Variants in TSG101 observed in about 807,000 individuals in gnomAD.
TSG101 encodes the protein tumor susceptibility gene 101 protein.
In TSG101, 19 loss-of-function variants were observed where a neutral mutation model predicts 48.5. The observed-to-expected ratio is 0.39, with a 90% CI of 0.27 to 0.58. The LOEUF is 0.58. Among genes scored for constraint, TSG101 ranks in the 20% least tolerant of loss-of-function variants. The pLI is 0.55. For synonymous variants in TSG101, 174 were observed against 169.4 expected (o/e 1.03, Z -0.21); for missense variants, 365 against 484.4 (o/e 0.75, Z 2.31).
chr11:18,523,511 ATTTG>A (rs1230115230), intron 1 of TSG101, among the ~76,000 whole-genome samples: 5 of 151,814 alleles, frequency 3.3e-5, no homozygotes, highest in Non-Finnish European at 7.4e-5. Context: ...TTATTTATTT[ATTTG>A]TTTTTGAGAT....
chr11:18,486,419 A>G (rs1209195873), intron 7 of TSG101, among the ~76,000 whole-genome samples: 3 of 152,206 alleles, frequency 2.0e-5, no homozygotes, highest in Admixed American at 1.3e-4. Flanking sequence ...CTTCATTCAA[A>G]CAATTCTGCC....
intron 1 of TSG101, 26 bp from the exon 2 acceptor site, chr11:18,519,629 T>G (rs1450921070): frequency 6.4e-7 from 1 of 1,553,628 alleles, no homozygotes; most frequent in Admixed American, 1.8e-5. Context: ...GCATAAGAAT[T>G]TAGTTTAAAA....
chr11:18,516,489 C>T (rs562838141), intron 2 of TSG101, among the ~76,000 whole-genome samples: 8 of 151,926 alleles, frequency 5.3e-5, no homozygotes, highest in African/African-American at 1.9e-4. Flanking sequence ...GGATTACAGG[C>T]ACGTGCCACC....
chr11:18,493,822 A>G (rs1849732276), intron 7 of TSG101, among the ~76,000 whole-genome samples: 1 of 152,240 alleles, frequency 6.6e-6, no homozygotes, highest in Non-Finnish European at 1.5e-5. Context: ...AACACTGCAA[A>G]TCCATTACAT....
At chr11:18,513,571 A>T (rs967697451) in intron 4 of TSG101, among the ~76,000 whole-genome samples, 1 of 152,138 alleles carries the variant, frequency 6.6e-6, no homozygotes, top group South Asian at 2.1e-4. Context: ...AAGTCCTGGG[A>T]TCACAGCCAT....
At chr11:18,494,807 T>C (rs1054966338) in intron 7 of TSG101, among the ~76,000 whole-genome samples, 1 of 152,054 alleles carries the variant, frequency 6.6e-6, no homozygotes, top group Non-Finnish European at 1.5e-5. Context: ...GTACAGTTTC[T>C]GTAGGCCAAA....
rs1475968353 is a variant in TSG101 at position 18,515,363 on chromosome 11, A to G, written c.194-522T>C. Reference sequence around the variant, plus strand: ...GAATAGCAGGTACTATGTGAAATCAATGGGTAAAGGACATAGGTCTTAGCT... The same window carrying G: ...GAATAGCAGGTACTATGTGAAATCAGTGGGTAAAGGACATAGGTCTTAGCT... On this transcript the variant is annotated intron_variant, in intron 3 of 9. Transcript: ENST00000251968. 3.3e-5 allele frequency among the ~76,000 whole-genome samples: 5 copies of G among 152,180 alleles called. 1 individual carries two copies. The highest frequency in any genetic ancestry group is 1.2e-4 in the African/African-American group (5 of 41,454).
In TSG101 at chr11:18,525,200, C is replaced by T. The variant is rs868665024; in HGVS notation, c.42+1575G>A. 3.3e-5 allele frequency among the ~76,000 whole-genome samples: 5 copies of T among 152,214 alleles called. No homozygotes were observed. In the South Asian group the frequency reaches 1.0e-3, roughly 32 times the overall value. ...CTAGGATTACAGGCGTAAGCCACTG[C>T]GCCCAGCCCAAGGACTAAATCTTAA... On this transcript the variant is annotated intron_variant, in intron 1 of 9. Transcript: ENST00000251968.
At position 18,502,558 on chromosome 11, in the gene TSG101, A is replaced by G. The variant is rs1849905859; in HGVS notation, c.568T>C (p.Tyr190His). The change falls in exon 7 of 10, where the codon TAC becomes CAC. Residue 190 changes from tyrosine (Y) to histidine (H), a missense_variant. Transcript: ENST00000251968. ...GCAGGATATGGACCACCAGGTGGGTAAGGACAGCCTGGGTAACCACTAAAG... is the reference window on the plus strand; with the variant it reads ...GCAGGATATGGACCACCAGGTGGGTGAGGACAGCCTGGGTAACCACTAAAG... ...PNPSGYPGCPYPPGGPYPATT... is the reference protein window; with the variant it reads ...PNPSGYPGCPHPPGGPYPATT... The G allele has an allele frequency of 6.2e-7, 1 of 1,612,884 alleles. No homozygotes were observed. Among genetic ancestry groups the G allele is most frequent in the East Asian group, 2.2e-5 (1 of 44,846 alleles).
intron 1 of TSG101, among the ~76,000 whole-genome samples, chr11:18,520,611 A>G (rs1021844975): frequency 1.3e-5 from 2 of 152,210 alleles, no homozygotes; most frequent in Non-Finnish European, 2.9e-5. Context: ...TTTATTTCTT[A>G]AAGAAATTTG....
At chr11:18,518,885 C>T (rs981601578) in intron 2 of TSG101, among the ~76,000 whole-genome samples, 17 of 152,162 alleles carry the variant, frequency 1.1e-4, no homozygotes, top group African/African-American at 4.1e-4. Flanking sequence ...AGAATTCTGC[C>T]TCTACCCCTG....
At chr11:18,521,391 T>C (rs11024698) in intron 1 of TSG101, among the ~76,000 whole-genome samples, 6 of 130,206 alleles carry the variant, frequency 4.6e-5, no homozygotes, top group Non-Finnish European at 9.6e-5. Context: ...TTTTTTGAGA[T>C]AGGGTCTCAC....
rs1179366269 is a variant in TSG101 at position 18,519,524 on chromosome 11, G to A, written c.122C>T (p.Ser41Leu). The part of the protein sequence containing the change: ...LYKDLKPVLD[S>L]YVFNDGSSRE... The stretch of plus-strand genomic sequence containing the variant: ...TTTTTACTGCATAAACTCACCATAT[G>A]AATCCAAAACAGGTTTGAGATCTTT... The change falls in exon 2 of 10, where the codon TCA (serine) becomes TTA (leucine). Residue 41 changes from serine (S) to leucine (L), a missense_variant. Ser to Leu is a moderately radical substitution (Grantham distance 145). Coordinates refer to ENST00000251968, the MANE Select transcript of TSG101 (RefSeq NM_006292.4). The A allele has an allele frequency of 1.2e-6, 2 of 1,606,924 alleles. No individual in the cohort carries two copies. Among genetic ancestry groups the A allele is most frequent in the African/African-American group, 1.3e-5 (1 of 74,842 alleles).
intron 5 of TSG101, 62 bp from the exon 6 acceptor site, chr11:18,506,985 G>A: frequency 1.8e-5 from 24 of 1,365,644 alleles, no homozygotes; most frequent in Non-Finnish European, 2.4e-5. Context: ...GTAGGCTACT[G>A]AATAAGATAT....
chr11:18,516,885 G>A (rs559051317), intron 2 of TSG101, among the ~76,000 whole-genome samples: 1 of 151,848 alleles, frequency 6.6e-6, no homozygotes, highest in Admixed American at 6.6e-5. Flanking sequence ...AGGTTGCAGT[G>A]AGCCGAGACT....
chr11:18,514,874 T>G (rs752488949), intron 3 of TSG101, 33 bp from the exon 4 acceptor site: 25 of 1,500,872 alleles, frequency 1.7e-5, no homozygotes, highest in Non-Finnish European at 1.9e-5. Context: ...AGTTACTCTA[T>G]TTTTATTATT....
Position 18,526,765 on chromosome 11 carries a change from G to A in TSG101, c.42+10C>T. ...GCGCGCCCTGGGAGGCGAGCGCGTC[G>A]CAGCCTCACCTTGGACACCATTTTC... On this transcript the variant is annotated intron_variant, in intron 1 of 9. Coordinates refer to ENST00000251968, the MANE Select transcript of TSG101 (RefSeq NM_006292.4). 1 of 1,600,632 alleles carries A rather than the reference G, an allele frequency of 6.2e-7. No individual in the cohort carries two copies.
chr11:18,506,368 T>C (rs966708235), intron 6 of TSG101, among the ~76,000 whole-genome samples: 1 of 143,174 alleles, frequency 7.0e-6, no homozygotes, highest in Non-Finnish European at 1.5e-5. Flanking sequence ...AGGGGAAAAA[T>C]ATTTTATAAT....
intron 2 of TSG101, among the ~76,000 whole-genome samples, chr11:18,516,428 TC>T (rs1850175001): frequency 6.6e-6 from 1 of 151,690 alleles, no homozygotes; most frequent in South Asian, 2.1e-4. Context: ...CGCTGCAACC[TC>T]CACCTCCTGG....
Sources: gnomAD v4.1 joint callset for allele counts (sites outside exome capture counted in the v4.1 genomes callset) on GRCh38, gnomAD v4.1.1 for gene constraint, MANE v1.5 for transcripts, NCBI Gene and HGNC (gene_info 2026-07-23, HGNC 2026-07-21) for gene names.